The following HMCN1 variants were observed in gnomAD, a reference collection of about 807,000 sequenced individuals.
The protein encoded by HMCN1 is hemicentin 1.
HMCN1 carries 321 observed loss-of-function variants against 625.9 expected under a neutral mutation model. The ratio of observed to expected loss-of-function variants is 0.51; its 90% CI spans 0.47 to 0.56. The LOEUF (loss-of-function observed/expected upper bound fraction) is 0.56, where lower values mean the gene tolerates loss of function less well. HMCN1 is among the 20% of genes least tolerant of loss of function. The probability of loss-of-function intolerance (pLI) is 0.00; values close to 1 mark genes in which losing one functional copy is unlikely to be tolerated. For missense variants in HMCN1, 6,588 were observed against 6,887.3 expected, an observed-to-expected ratio of 0.96 and a Z score of 1.54; for synonymous variants, 2,425 against 2,417.6, an observed-to-expected ratio of 1.00 and a Z score of -0.09.
intron 4 of HMCN1, among the ~76,000 whole-genome samples, chr1:185,895,108 G>GT (rs11409544): frequency 0.56 from 85,678 of 151,792 alleles, 27,245 homozygotes; most frequent in African/African-American, 0.88. Context: ...GTTATTTTTT[G>GT]TTACACATAT....
At chr1:185,748,175 A>T (rs1042935892) in intron 1 of HMCN1, among the ~76,000 whole-genome samples, 1 of 150,762 alleles carries the variant, frequency 6.6e-6, no homozygotes, top group African/African-American at 2.4e-5. Context: ...GAAATCTGTT[A>T]TGCTTTTTGT....
intron 1 of HMCN1, among the ~76,000 whole-genome samples, chr1:185,747,668 T>A (rs1050156742): frequency 6.6e-6 from 1 of 152,322 alleles, no homozygotes; most frequent in East Asian, 1.9e-4. Flanking sequence ...AATCTTTTGT[T>A]GGTGATGTCC....
chr1:186,041,040 T>C lies in HMCN1; in HGVS notation c.6208T>C (p.Leu2070=), dbSNP rs756385879. The change falls in exon 40 of 107, where the codon TTG becomes CTG. Residue 2070 remains leucine, a synonymous_variant. Coordinates refer to ENST00000271588, the MANE Select transcript of HMCN1 (RefSeq NM_031935.3). Reference sequence around the variant, plus strand: ...TCTCTCTGGTGGTCGAATCCTAGCATTGACCAGTGCACAAATCAGCGACAC... The same window carrying C: ...TCTCTCTGGTGGTCGAATCCTAGCACTGACCAGTGCACAAATCAGCGACAC... ...QVLSGGRILA[L]TSAQISDTGR... is the part of the protein sequence containing the mutation. The C allele has an allele frequency of 7.4e-6, 12 of 1,613,098 alleles. No individual in the cohort carries two copies. The South Asian group carries it at 8.8e-5, about 12-fold the overall frequency.
intron 30 of HMCN1, among the ~76,000 whole-genome samples, chr1:186,012,522 A>C (rs1057128920): frequency 1.3e-5 from 2 of 152,128 alleles, no homozygotes; most frequent in Non-Finnish European, 2.9e-5. Flanking sequence ...TCTTAAAAAA[A>C]AATTTACTAT....
intron 1 of HMCN1, among the ~76,000 whole-genome samples, chr1:185,760,800 T>C (rs567406588): frequency 6.6e-6 from 1 of 152,284 alleles, no homozygotes; most frequent in Non-Finnish European, 1.5e-5. Flanking sequence ...TAGTGCTTTA[T>C]ATGCGTTAAC....
intron 1 of HMCN1, among the ~76,000 whole-genome samples, chr1:185,754,088 A>G (rs1309656769): frequency 6.6e-6 from 1 of 152,214 alleles, no homozygotes; most frequent in Non-Finnish European, 1.5e-5. Flanking sequence ...ATTTGGCCTT[A>G]AAAAGAAAGG....
intron 41 of HMCN1, 79 bp from the exon 42 acceptor site, chr1:186,048,664 A>C (rs567224198): frequency 1.2e-6 from 1 of 854,022 alleles, no homozygotes; most frequent in African/African-American, 1.7e-5. Flanking sequence ...AAAAATAAGA[A>C]ATAGATCACA....
chr1:186,187,669 A>G (rs1328182633), intron 105 of HMCN1, among the ~76,000 whole-genome samples: 1 of 152,092 alleles, frequency 6.6e-6, no homozygotes, highest in Non-Finnish European at 1.5e-5. Flanking sequence ...GTCCTTTCAC[A>G]TAAAGAAATA....
chr1:185,902,221 C>T (rs1261768344), intron 4 of HMCN1, among the ~76,000 whole-genome samples: 2 of 151,296 alleles, frequency 1.3e-5, no homozygotes, highest in South Asian at 2.1e-4. Flanking sequence ...ATAAGATATT[C>T]AGATACTTTT....
chr1:185,918,144 A>T (rs1324118758), intron 6 of HMCN1, among the ~76,000 whole-genome samples: 2 of 152,174 alleles, frequency 1.3e-5, no homozygotes, highest in Non-Finnish European at 2.9e-5. Flanking sequence ...GCCATCTGCA[A>T]GCTGGGGAAG....
At chr1:186,062,708 G>T (rs566095866) in intron 48 of HMCN1, 108 bp downstream of exon 48, 74 of 736,338 alleles carry the variant, frequency 1.0e-4, no homozygotes, top group Admixed American at 5.9e-4. Context: ...TACAAGTGCG[G>T]TTTTGTTACA....
chr1:185,757,334 G>C (rs1006331242), intron 1 of HMCN1, among the ~76,000 whole-genome samples: 1 of 152,140 alleles, frequency 6.6e-6, no homozygotes. Context: ...GATCTGGCCC[G>C]ATCGCCTCTC....
rs2102654170 is a variant in HMCN1 at position 186,178,152 on chromosome 1, T to A, written c.15944-264T>A. Among the ~76,000 whole-genome samples the A allele has an allele frequency of 2.0e-5, 3 of 152,310 alleles. No individual in the cohort carries two copies. The South Asian group carries it at 6.2e-4, about 32-fold the overall frequency. On this transcript the variant is annotated intron_variant, in intron 103 of 106. Coordinates refer to ENST00000271588, the MANE Select transcript of HMCN1 (RefSeq NM_031935.3). ...AGTGTGTCTTGTTGTCTGAGCCACT[T>A]GCTTCAATGTGAATGTTCAAATAAA...
intron 68 of HMCN1, among the ~76,000 whole-genome samples, chr1:186,096,398 A>G (rs1660141612): frequency 6.6e-6 from 1 of 152,132 alleles, no homozygotes; most frequent in Non-Finnish European, 1.5e-5. Flanking sequence ...TTAATACACT[A>G]GAGACTATTA....
intron 63 of HMCN1, among the ~76,000 whole-genome samples, chr1:186,090,516 G>A (rs1298955798): frequency 1.3e-5 from 2 of 151,928 alleles, no homozygotes; most frequent in Admixed American, 1.3e-4. Context: ...TGATCATGAG[G>A]TAGCTCTATC....
chr1:186,032,251 G>C (rs1362098046), intron 36 of HMCN1, among the ~76,000 whole-genome samples: 1 of 151,952 alleles, frequency 6.6e-6, no homozygotes, highest in African/African-American at 2.4e-5. Flanking sequence ...AGTGGGCAAA[G>C]GATGTGAATA....
At position 186,045,857 on chromosome 1, in the gene HMCN1, G is replaced by T; in HGVS notation, c.6474G>T (p.Val2158=). Residue 2158 remains valine (V), a synonymous_variant, in exon 41 of 107, where the codon GTG becomes GTT. Coordinates refer to ENST00000271588, the MANE Select transcript of HMCN1 (RefSeq NM_031935.3). ...PGLSISENRS[V]LKIEDAQVQD... Reference sequence around the variant, plus strand: ...TCAGTATATCTGAAAATAGAAGTGTGTTAAAGGTAAGGATATGGATTCATT... The same window carrying T: ...TCAGTATATCTGAAAATAGAAGTGTTTTAAAGGTAAGGATATGGATTCATT... The T allele has an allele frequency of 6.2e-7, 1 of 1,609,182 alleles. No individual in the cohort carries two copies. Among genetic ancestry groups the T allele is most frequent in the Non-Finnish European group, 8.5e-7 (1 of 1,175,846 alleles).
At chr1:186,026,446 A>G (rs543276472) in intron 36 of HMCN1, among the ~76,000 whole-genome samples, 2 of 152,308 alleles carry the variant, frequency 1.3e-5, no homozygotes, top group Admixed American at 1.3e-4. Context: ...AGTATAAGGA[A>G]CAAGAGAGGA....
At chr1:186,047,937 G>A (rs1656682053) in intron 41 of HMCN1, among the ~76,000 whole-genome samples, 1 of 152,106 alleles carries the variant, frequency 6.6e-6, no homozygotes, top group African/African-American at 2.4e-5. Flanking sequence ...TAACTTCAGT[G>A]ATCATTGAAT....
Sources: allele counts gnomAD v4.1 joint callset (sites outside exome capture counted in the v4.1 genomes callset), GRCh38; gene constraint gnomAD v4.1.1; transcripts MANE v1.5; gene names NCBI Gene and HGNC (gene_info 2026-07-23, HGNC 2026-07-21).